MROH7: variants seen among roughly 807,000 people sequenced by gnomAD.
MROH7 encodes maestro heat-like repeat-containing protein family member 7.
A neutral mutation model predicts 129.2 loss-of-function variants in MROH7; 113 were observed. That is an observed-to-expected ratio of 0.87 (90% CI 0.75 to 1.02). The LOEUF (loss-of-function observed/expected upper bound fraction) is 1.02, where lower values mean the gene tolerates loss of function less well. Among genes scored for constraint, MROH7 ranks in the 50% least tolerant of loss-of-function variants. MROH7 has a pLI of 0.00. For synonymous variants in MROH7, 655 were observed against 667.9 expected, an observed-to-expected ratio of 0.98 and a Z score of 0.30; for missense variants, 1,601 against 1,671.3, an observed-to-expected ratio of 0.96 and a Z score of 0.73.
At chr1:54,682,620 G>A in intron 13 of MROH7, 36 bp from the exon 14 acceptor site, 1 of 1,594,654 alleles carries the variant, frequency 6.3e-7, no homozygotes, top group Non-Finnish European at 8.6e-7. Flanking sequence ...CCACTGCCTT[G>A]GCCACCACTA....
chr1:54,694,427 G>A (rs1173722327), intron 16 of MROH7, among the ~76,000 whole-genome samples: 1 of 152,228 alleles, frequency 6.6e-6, no homozygotes, highest in Non-Finnish European at 1.5e-5. Context: ...ACTGGTTGCT[G>A]TGCCCCGTAC....
chr1:54,705,939 C>T (rs1645526159), intron 21 of MROH7, among the ~76,000 whole-genome samples: 1 of 152,214 alleles, frequency 6.6e-6, no homozygotes, highest in Non-Finnish European at 1.5e-5. Flanking sequence ...ATCGTGACTA[C>T]CTCTGTCAGA....
intron 1 of MROH7, among the ~76,000 whole-genome samples, chr1:54,645,655 C>CTTTCT (rs1553168304): frequency 8.0e-5 from 10 of 124,250 alleles, no homozygotes; most frequent in African/African-American, 1.3e-4. Flanking sequence ...TTCTTTCTTT[C>CTTTCT]TTTTTTTTTT....
At chr1:54,648,917 A>G (rs1644512005) in intron 1 of MROH7, among the ~76,000 whole-genome samples, 1 of 152,076 alleles carries the variant, frequency 6.6e-6, no homozygotes, top group Non-Finnish European at 1.5e-5. Context: ...CTCAAGGAGG[A>G]TGTTGTTTCT....
intron 1 of MROH7, among the ~76,000 whole-genome samples, chr1:54,644,308 C>T (rs1014140415): frequency 3.4e-5 from 5 of 147,440 alleles, no homozygotes; most frequent in Admixed American, 1.4e-4. Context: ...CCCTCCCCTG[C>T]TCTCCCTCTC....
chr1:54,673,139 C>T lies in MROH7; in HGVS notation c.1648C>T (p.Leu550Phe), dbSNP rs1644927711. Residue 550 changes from leucine (L) to phenylalanine (F), a missense_variant, in exon 8 of 24, where the codon CTC becomes TTC. Transcript: ENST00000421030. ...LEALQTLLKA[L>F]FIEDPTPAGL... ...GGCCCTGCAGACACTGCTCAAAGCC[C>T]TCTTTATCGAGGACCCCACTCCTGC... 1.9e-6 allele frequency: 3 copies of T among 1,613,922 alleles called. No individual in the cohort carries two copies. The highest frequency in any genetic ancestry group is 1.7e-6 in the Non-Finnish European group (2 of 1,179,976).
At chr1:54,656,293 C>A (rs2101073551) in intron 3 of MROH7, among the ~76,000 whole-genome samples, 1 of 150,466 alleles carries the variant, frequency 6.6e-6, no homozygotes, top group Admixed American at 6.6e-5. Context: ...GGGCAGATCA[C>A]CTGAGGTCAG....
intron 10 of MROH7, among the ~76,000 whole-genome samples, chr1:54,677,852 T>C (rs1331567348): frequency 1.3e-5 from 2 of 152,088 alleles, no homozygotes; most frequent in Non-Finnish European, 2.9e-5. Context: ...TAAATAATCC[T>C]CCTTTGGTGA....
At chr1:54,691,019 A>G (rs1645229638) in intron 15 of MROH7, among the ~76,000 whole-genome samples, 1 of 152,198 alleles carries the variant, frequency 6.6e-6, no homozygotes, top group Non-Finnish European at 1.5e-5. Context: ...CCTGAACTTT[A>G]AGAGAATAAC....
At chr1:54,680,116 C>A (rs982955712) in intron 13 of MROH7, 71 bp downstream of exon 13, 3 of 1,444,514 alleles carry the variant, frequency 2.1e-6, no homozygotes, top group Non-Finnish European at 9.6e-7. Flanking sequence ...AGGTTGGGGA[C>A]CCCCTTCTGC....
intron 1 of MROH7, among the ~76,000 whole-genome samples, chr1:54,648,418 T>C (rs1644505012): frequency 1.3e-5 from 2 of 151,664 alleles, no homozygotes; most frequent in African/African-American, 4.9e-5. Flanking sequence ...CAGGCTAGAG[T>C]GCAGTGGCGC....
intron 21 of MROH7, among the ~76,000 whole-genome samples, chr1:54,702,991 G>A (rs1401003201): frequency 6.6e-6 from 1 of 152,034 alleles, no homozygotes; most frequent in South Asian, 2.1e-4. Flanking sequence ...TGTCTCTTTT[G>A]AGCCTGTGCC....
At chr1:54,683,475 T>C (rs1418816607) in intron 14 of MROH7, among the ~76,000 whole-genome samples, 1 of 152,154 alleles carries the variant, frequency 6.6e-6, no homozygotes, top group Admixed American at 6.5e-5. Flanking sequence ...AGTTGGTCCA[T>C]ACCCCTGGTC....
At chr1:54,655,408 T>C (rs1274834675) in intron 3 of MROH7, among the ~76,000 whole-genome samples, 1 of 151,600 alleles carries the variant, frequency 6.6e-6, no homozygotes, top group African/African-American at 2.4e-5. Flanking sequence ...TCTCACTCTG[T>C]TGCCCAGGCT....
chr1:54,689,179 T>A (rs1451687084), intron 15 of MROH7, among the ~76,000 whole-genome samples: 1 of 152,184 alleles, frequency 6.6e-6, no homozygotes, highest in African/African-American at 2.4e-5. Flanking sequence ...ATGTGGGCAC[T>A]GAATCCAGTG....
Position 54,652,994 on chromosome 1 carries a change from C to T in MROH7, c.68C>T (p.Ser23Phe). The change falls in exon 3 of 24, where the codon TCC becomes TTC. Residue 23 changes from serine to phenylalanine, a missense_variant. Transcript: ENST00000421030. ...CCAAAGATGACACCAAGTCCCCCCT[C>T]CTGTGGGGCCCCGGGATTAGGGTCT... ...EDPKMTPSPPSCGAPGLGSGT... is the reference protein window; with the variant it reads ...EDPKMTPSPPFCGAPGLGSGT... 6.2e-7 allele frequency: 1 copy of T among 1,613,974 alleles called. No individual in the cohort carries two copies. The highest frequency in any genetic ancestry group is 1.7e-5 in the Admixed American group (1 of 59,988).
At chr1:54,650,641 C>T (rs1644539434) in intron 1 of MROH7, among the ~76,000 whole-genome samples, 2 of 151,924 alleles carry the variant, frequency 1.3e-5, no homozygotes, top group African/African-American at 4.8e-5. Flanking sequence ...TCCTCTCCTC[C>T]CTTCCTTCCT....
intron 4 of MROH7, among the ~76,000 whole-genome samples, 157 bp from the exon 5 acceptor site, chr1:54,668,697 C>T (rs1244533510): frequency 1.3e-5 from 2 of 152,136 alleles, no homozygotes; most frequent in African/African-American, 4.8e-5. Context: ...ATCTTTACCC[C>T]ACCCCAAGCT....
chr1:54,701,450 G>A (rs1569992998), intron 19 of MROH7, 128 bp downstream of exon 19: 1 of 716,356 alleles, frequency 1.4e-6, no homozygotes. Flanking sequence ...ACTGGGAGAG[G>A]AACTTTGTCC....
Sources: gnomAD v4.1 joint callset for allele counts (sites outside exome capture counted in the v4.1 genomes callset) on GRCh38, gnomAD v4.1.1 for gene constraint, MANE v1.5 for transcripts, NCBI Gene and HGNC (gene_info 2026-07-23, HGNC 2026-07-21) for gene names.